Variants in NR2C2 observed in about 807,000 individuals in gnomAD.
NR2C2 encodes the protein nuclear receptor subfamily 2 group C member 2.
In NR2C2, 6 loss-of-function variants were observed where a neutral mutation model predicts 62.9. That is an observed-to-expected ratio of 0.10 (90% CI 0.05 to 0.19). The LOEUF (loss-of-function observed/expected upper bound fraction) is 0.19. Ranked by LOEUF, NR2C2 falls within the 10% of genes least tolerant of loss-of-function variation. The pLI is 1.00. For missense variants in NR2C2, 479 were observed against 762.7 expected (o/e 0.63, Z 4.38); for synonymous variants, 272 against 273.8 (o/e 0.99, Z 0.07).
chr3:15,014,237 C>T (rs2041437722), intron 3 of NR2C2, among the ~76,000 whole-genome samples: 1 of 152,150 alleles, frequency 6.6e-6, no homozygotes, highest in South Asian at 2.1e-4. Context: ...GCCCTGGGCC[C>T]CTCAATTCTT....
chr3:14,969,863 A>T (rs1343393277), intron 1 of NR2C2, among the ~76,000 whole-genome samples: 1 of 152,210 alleles, frequency 6.6e-6, no homozygotes, highest in Non-Finnish European at 1.5e-5. Flanking sequence ...ATTTCCATGT[A>T]AGGGAATGTT....
intron 1 of NR2C2, among the ~76,000 whole-genome samples, chr3:14,986,135 C>G (rs2040507621): frequency 2.0e-5 from 3 of 152,056 alleles, no homozygotes; most frequent in Non-Finnish European, 4.4e-5. Context: ...GACCCTTTTA[C>G]TGTACCAAGG....
rs1400767149 is a variant in NR2C2, at chr3:15,044,375, TA to T, written c.*1372del. ...TTTTAAATGCAGGCTGCTTGCTCCTTAAAAACAACCCTCAATTTCCAGGGTG... is the reference window on the plus strand; with the variant it reads ...TTTTAAATGCAGGCTGCTTGCTCCTTAAAACAACCCTCAATTTCCAGGGTG... On this transcript the variant is annotated 3_prime_UTR_variant, in exon 14 of 14. Transcript: ENST00000425241. 1.3e-5 allele frequency: 2 copies of T among 152,326 alleles called. No individual in the cohort carries two copies. The highest frequency in any genetic ancestry group is 2.1e-4 in the South Asian group (1 of 4,824). The allele number at this position is 152,326 out of a possible 1,614,324, so 9.4% of individuals were successfully genotyped here. A position where few individuals can be genotyped will look rare whatever the true frequency, so the allele number is the denominator to read the frequency against.
chr3:14,982,927 T>C (rs1017188209), intron 1 of NR2C2, among the ~76,000 whole-genome samples: 1 of 152,220 alleles, frequency 6.6e-6, no homozygotes, highest in African/African-American at 2.4e-5. Flanking sequence ...ATTCAGCAAA[T>C]ACTGAATTTT....
intron 1 of NR2C2, among the ~76,000 whole-genome samples, chr3:14,984,971 C>T (rs1182713135): frequency 6.6e-6 from 1 of 152,078 alleles, no homozygotes; most frequent in Non-Finnish European, 1.5e-5. Flanking sequence ...TACTCTTAGG[C>T]ATTCTAATAG....
chr3:14,967,248 C>T (rs1231794156), intron 1 of NR2C2, among the ~76,000 whole-genome samples: 2 of 151,862 alleles, frequency 1.3e-5, no homozygotes, highest in East Asian at 3.9e-4. Context: ...CTGCCCTCTT[C>T]TTCTTGGTCA....
rs1284027887 is a variant in NR2C2, at chr3:15,039,325, AG to A, written c.1616+99del. The A allele has an allele frequency of 3.8e-6, 3 of 797,636 alleles. No homozygotes were observed. The African/African-American group carries it at 5.2e-5, about 14-fold the overall frequency. 49.4% of individuals were successfully genotyped at this position (797,636 alleles called of 1,614,324 possible). ...AAATTATGTTAACCTTTCCATTTTT[AG>A]CAGCCTGATAGAGCCTCCATTGGAT... On this transcript the variant is annotated intron_variant, in intron 13 of 13. Transcript: ENST00000425241.
In NR2C2 at chr3:15,030,371, C is replaced by T. The variant is rs2041947992; in HGVS notation, c.1029C>T (p.Ile343=). ...TAGACACCAGTGGAGGAGGGAGCAT[C>T]CACGTCATCAGCAGAGACCAGTCGA... The part of the protein sequence containing the change: ...DGIDTSGGGS[I]HVISRDQSTP... Residue 343 remains isoleucine (I), a synonymous_variant, in exon 9 of 14, where the codon ATC becomes ATT. Coordinates refer to ENST00000425241, the MANE Select transcript of NR2C2 (RefSeq NM_001291694.2). 1 of 1,613,522 alleles carries T rather than the reference C, an allele frequency of 6.2e-7. No homozygotes were observed. Among genetic ancestry groups the T allele is most frequent in the Admixed American group, 1.7e-5 (1 of 59,834 alleles).
At chr3:15,030,556 AGT>A in intron 9 of NR2C2, 104 bp downstream of exon 9, 1 of 1,200,522 alleles carries the variant, frequency 8.3e-7, no homozygotes, top group Admixed American at 2.8e-5. Context: ...GGCCAGGCAT[AGT>A]GGCTCATGCC....
intron 1 of NR2C2, among the ~76,000 whole-genome samples, chr3:14,982,821 G>A (rs2040412817): frequency 6.6e-6 from 1 of 152,058 alleles, no homozygotes; most frequent in African/African-American, 2.4e-5. Context: ...GTTGATAGCA[G>A]GCATCCTTGC....
intron 1 of NR2C2, among the ~76,000 whole-genome samples, chr3:14,954,006 T>C (rs2039449013): frequency 6.6e-6 from 1 of 152,194 alleles, no homozygotes; most frequent in Non-Finnish European, 1.5e-5. Flanking sequence ...TGAATCTGAT[T>C]AGGTATTATT....
intron 1 of NR2C2, among the ~76,000 whole-genome samples, chr3:14,985,303 A>G (rs904311973): frequency 6.6e-6 from 1 of 152,024 alleles, no homozygotes; most frequent in Non-Finnish European, 1.5e-5. Context: ...GTTGTTTTAA[A>G]TTTTTATGAA....
chr3:15,007,625 G>T (rs2041223546), intron 2 of NR2C2, among the ~76,000 whole-genome samples: 1 of 152,194 alleles, frequency 6.6e-6, no homozygotes, highest in South Asian at 2.1e-4. Flanking sequence ...CTAACACAGT[G>T]TCTGACAGAG....
rs1289480165 is a variant in NR2C2 at position 15,048,397 on chromosome 3, A to G, written c.*5389A>G. 3.3e-5 allele frequency: 5 copies of G among 152,696 alleles called. No individual in the cohort carries two copies. The highest frequency in any genetic ancestry group is 7.3e-5 in the Non-Finnish European group (5 of 68,044). The allele number at this position is 152,696 out of a possible 1,614,324, so 9.5% of individuals were successfully genotyped here. On this transcript the variant is annotated 3_prime_UTR_variant, in exon 14 of 14. Transcript: ENST00000425241. ...GGGCTATTTAGCTTAACAGCAGTCTACAAATAATTAAAGTGTGAGCTTAAG... is the reference window on the plus strand; with the variant it reads ...GGGCTATTTAGCTTAACAGCAGTCTGCAAATAATTAAAGTGTGAGCTTAAG...
chr3:15,040,006 T>A (rs115271912), intron 13 of NR2C2, among the ~76,000 whole-genome samples: 5,491 of 150,294 alleles, frequency 0.037, 347 homozygotes, highest in African/African-American at 0.13. Context: ...TAAAAAAAAA[T>A]TAGCCAGGCA....
In NR2C2 at chr3:15,035,290, CAATG is replaced by C. The variant is rs1007043099; in HGVS notation, c.1372+494_1372+497del. Among the ~76,000 whole-genome samples, 13 of 152,108 alleles carry C rather than the reference CAATG, an allele frequency of 8.5e-5. No homozygotes were observed. In the South Asian group the frequency reaches 1.0e-3, roughly 12 times the overall value. ...TGGGTAATAGAGCAAGATCCCATCTCAATGAATGAATGAATGTTAGGAGGCTTAT... is the reference window on the plus strand; with the variant it reads ...TGGGTAATAGAGCAAGATCCCATCTCAATGAATGAATGTTAGGAGGCTTAT... On this transcript the variant is annotated intron_variant, in intron 11 of 13. Transcript: ENST00000425241.
intron 4 of NR2C2, among the ~76,000 whole-genome samples, chr3:15,018,155 C>T (rs140713773): frequency 5.6e-4 from 85 of 152,238 alleles, no homozygotes; most frequent in African/African-American, 1.8e-3. Context: ...TCTGCCACCA[C>T]GCCTGGCTAA....
intron 1 of NR2C2, among the ~76,000 whole-genome samples, chr3:14,989,924 CAAAAAAAAAAAA>C (rs34980642): frequency 0.032 from 1,635 of 51,062 alleles, 26 homozygotes; most frequent in South Asian, 0.21. Flanking sequence ...GACTCCATCT[CAAAAAAAAAAAA>C]AAAAAAAAAA....
At chr3:15,019,976 T>C (rs1057505219) in intron 4 of NR2C2, among the ~76,000 whole-genome samples, 3 of 152,262 alleles carry the variant, frequency 2.0e-5, no homozygotes, top group African/African-American at 7.2e-5. Flanking sequence ...TTGATCATTA[T>C]ACAACGTGGA....
Sources: gnomAD v4.1 joint callset for allele counts (sites outside exome capture counted in the v4.1 genomes callset) on GRCh38, gnomAD v4.1.1 for gene constraint, MANE v1.5 for transcripts, NCBI Gene and HGNC (gene_info 2026-07-23, HGNC 2026-07-21) for gene names.